Variants in NCOA1 observed in about 807,000 individuals in gnomAD.
NCOA1 encodes the protein Hin-2 protein.
NCOA1 carries 35 observed loss-of-function variants against 150.9 expected under a neutral mutation model. The ratio of observed to expected loss-of-function variants is 0.23; its 90% CI spans 0.18 to 0.31. The LOEUF (loss-of-function observed/expected upper bound fraction) is 0.31. NCOA1 is among the 10% of genes least tolerant of loss of function. The pLI is 1.00. For missense variants in NCOA1, 1,491 were observed against 1,749.3 expected (o/e 0.85, Z 2.63); for synonymous variants, 590 against 630.0 (o/e 0.94, Z 0.95).
chr2:24,652,937 T>G (rs2148480856), intron 4 of NCOA1, among the ~76,000 whole-genome samples: 1 of 152,270 alleles, frequency 6.6e-6, no homozygotes, highest in South Asian at 2.1e-4. Flanking sequence ...TCATGAGAAG[T>G]TTTACATTGC....
At chr2:24,755,138 G>A (rs900682030) in intron 20 of NCOA1, among the ~76,000 whole-genome samples, 11 of 152,196 alleles carry the variant, frequency 7.2e-5, no homozygotes, top group African/African-American at 2.2e-4. Flanking sequence ...GCCAAATAAC[G>A]AAGAGTCTAG....
rs796719918 is a variant in NCOA1, at chr2:24,668,799, A to AG, written c.256+2887dup. 7.2e-4 allele frequency among the ~76,000 whole-genome samples: 77 copies of AG among 106,752 alleles called. 1 individual carries two copies. The South Asian group carries it at 0.023, about 32-fold the overall frequency. 70.0% of individuals were successfully genotyped at this position (106,752 alleles called of 152,430 possible). A position where few individuals can be genotyped will look rare whatever the true frequency, so the allele number is the denominator to read the frequency against. On this transcript the variant is annotated intron_variant, in intron 6 of 22. Coordinates refer to ENST00000348332, the MANE Select transcript of NCOA1 (RefSeq NM_003743.5). Reference sequence around the variant, plus strand: ...AGAGGACTCTAGGGAACATTTCCATAGGGAAAAAAAAAAGGAACGCATAAG... The same window carrying AG: ...AGAGGACTCTAGGGAACATTTCCATAGGGGAAAAAAAAAAGGAACGCATAAG...
At chr2:24,509,251 TA>T (rs1223711098) in intron 1 of NCOA1, among the ~76,000 whole-genome samples, 1 of 152,218 alleles carries the variant, frequency 6.6e-6, no homozygotes, top group African/African-American at 2.4e-5. Context: ...AGTTCAGAAA[TA>T]TTAAAGTGTC....
chr2:24,667,516 A>C (rs949686784), intron 6 of NCOA1, among the ~76,000 whole-genome samples: 31 of 152,250 alleles, frequency 2.0e-4, no homozygotes, highest in Admixed American at 1.7e-3. Flanking sequence ...CAGAGGAAGC[A>C]GAAACAGTGC....
intron 4 of NCOA1, among the ~76,000 whole-genome samples, chr2:24,645,176 A>T (rs1670410842): frequency 2.0e-5 from 3 of 152,124 alleles, no homozygotes; most frequent in Admixed American, 2.0e-4. Context: ...ATCTAATCTT[A>T]CTATCTCTGC....
chr2:24,531,144 T>G (rs995189948), intron 1 of NCOA1, among the ~76,000 whole-genome samples: 2 of 152,148 alleles, frequency 1.3e-5, no homozygotes, highest in Non-Finnish European at 2.9e-5. Flanking sequence ...TTGGTAGGAA[T>G]GTAGATTAGT....
intron 3 of NCOA1, among the ~76,000 whole-genome samples, chr2:24,640,627 C>G (rs1018786639): frequency 2.0e-5 from 3 of 152,074 alleles, no homozygotes; most frequent in Non-Finnish European, 4.4e-5. Flanking sequence ...GGGCAAGACC[C>G]CATCTCTAAA....
rs184776600 is a variant in NCOA1 at position 24,760,997 on chromosome 2, G to A, written c.4066-1690G>A. Among the ~76,000 whole-genome samples the A allele has an allele frequency of 5.3e-5, 8 of 152,080 alleles. No homozygotes were observed. In the East Asian group the frequency reaches 5.8e-4, roughly 11 times the overall value. On this transcript the variant is annotated intron_variant, in intron 21 of 22. Transcript: ENST00000348332. ...TGAGTAGCTGGGAGTACAGGGGTGCGCCACCACACCCAGCTAATTTTTATG... is the reference window on the plus strand; with the variant it reads ...TGAGTAGCTGGGAGTACAGGGGTGCACCACCACACCCAGCTAATTTTTATG...
intron 10 of NCOA1, among the ~76,000 whole-genome samples, 155 bp downstream of exon 10, chr2:24,693,502 T>G (rs1406795393): frequency 6.6e-6 from 1 of 152,208 alleles, no homozygotes; most frequent in Non-Finnish European, 1.5e-5. Flanking sequence ...CTCTTGAGAT[T>G]ATACAATTTA....
In NCOA1 at chr2:24,578,958, A is replaced by C. The variant is rs528697822; in HGVS notation, c.-259-5518A>C. Reference sequence around the variant, plus strand: ...ATTACATATAAGTGTTAGCACTGTGACAACTGGGACTGTATCTTTTTTTGT... The same window carrying C: ...ATTACATATAAGTGTTAGCACTGTGCCAACTGGGACTGTATCTTTTTTTGT... On this transcript the variant is annotated intron_variant, in intron 2 of 22. Coordinates refer to ENST00000348332, the MANE Select transcript of NCOA1 (RefSeq NM_003743.5). Among the ~76,000 whole-genome samples the C allele has an allele frequency of 3.9e-4, 59 of 152,340 alleles. 1 individual carries two copies. The highest frequency in any genetic ancestry group is 1.4e-3 in the African/African-American group (58 of 41,586).
At chr2:24,532,673 C>G (rs554913883) in intron 1 of NCOA1, among the ~76,000 whole-genome samples, 8 of 152,300 alleles carry the variant, frequency 5.3e-5, no homozygotes, top group African/African-American at 1.9e-4. Flanking sequence ...CTACATATGG[C>G]TAACCAGCTT....
chr2:24,561,612 G>A (rs1666296247), intron 1 of NCOA1, among the ~76,000 whole-genome samples: 1 of 152,092 alleles, frequency 6.6e-6, no homozygotes. Flanking sequence ...GGTTTTAGAA[G>A]CAGTAGTAGT....
chr2:24,673,374 A>G lies in NCOA1; in HGVS notation c.265A>G (p.Thr89Ala), dbSNP rs1671768037. The G allele has an allele frequency of 6.4e-7, 1 of 1,564,676 alleles. No homozygotes were observed. Among genetic ancestry groups the G allele is most frequent in the Non-Finnish European group, 8.6e-7 (1 of 1,161,750 alleles). ...AAGTTTCTTTATTATAGAGAAATCAACAACTGATGACGATGTACAGAAATC... is the reference window on the plus strand; with the variant it reads ...AAGTTTCTTTATTATAGAGAAATCAGCAACTGATGACGATGTACAGAAATC... ...LMKRMEQEKS[T>A]TDDDVQKSDI... The change falls in exon 7 of 23, where the codon ACA becomes GCA. Residue 89 changes from threonine (T) to alanine (A), a missense_variant. Physicochemically the swap from Thr to Ala is moderately conservative, Grantham distance 58. This residue lies in a region of NCOA1 where 80 missense variants were observed against 163.0 expected (regional missense o/e 0.49). Transcript: ENST00000348332.
intron 2 of NCOA1, among the ~76,000 whole-genome samples, chr2:24,581,873 G>T (rs1379364138): frequency 6.6e-6 from 1 of 152,108 alleles, no homozygotes; most frequent in East Asian, 1.9e-4. Flanking sequence ...TCACCCAAAA[G>T]ATGTAGAAAA....
chr2:24,727,235 G>A (rs1034660473), intron 15 of NCOA1, among the ~76,000 whole-genome samples: 1 of 150,906 alleles, frequency 6.6e-6, no homozygotes, highest in Non-Finnish European at 1.5e-5. Flanking sequence ...GCTAGTATAC[G>A]TTGTAATCAC....
At chr2:24,598,758 CTTT>C (rs891314160) in intron 3 of NCOA1, among the ~76,000 whole-genome samples, 33 of 151,734 alleles carry the variant, frequency 2.2e-4, no homozygotes, top group African/African-American at 7.5e-4. Context: ...TTACATTTTT[CTTT>C]TTTTTAATTT....
At chr2:24,682,877 A>G (rs1672241311) in intron 7 of NCOA1, 74 bp from the exon 8 acceptor site, 2 of 1,337,642 alleles carry the variant, frequency 1.5e-6, no homozygotes, top group East Asian at 2.6e-5. Context: ...TCTCTTTTTT[A>G]ATAGAAAAAT....
intron 4 of NCOA1, among the ~76,000 whole-genome samples, chr2:24,648,133 A>T (rs1243149320): frequency 1.3e-5 from 2 of 150,346 alleles, no homozygotes; most frequent in South Asian, 2.1e-4. Context: ...AATGCTTGGG[A>T]TTTTTTTTTT....
chr2:24,762,731 G>T lies in NCOA1; in HGVS notation c.4110G>T (p.Gln1370His). 5.0e-6 allele frequency: 8 copies of T among 1,614,098 alleles called. No homozygotes were observed. Among genetic ancestry groups the T allele is most frequent in the Non-Finnish European group, 6.8e-6 (8 of 1,179,954 alleles). Residue 1370 changes from glutamine (Q) to histidine (H), a missense_variant, in exon 22 of 23, where the codon CAG (glutamine) becomes CAT (histidine). Gln to His is a conservative substitution (Grantham distance 24). This residue lies in a region of NCOA1 where 485 missense variants were observed against 522.8 expected (regional missense o/e 0.93). Coordinates refer to ENST00000348332, the MANE Select transcript of NCOA1 (RefSeq NM_003743.5). ...ALRHTGLYCN[Q>H]LSSTDLLKTE... ...GACACACAGGCCTCTACTGCAACCA[G>T]CTCTCATCCACTGACCTTCTCAAAA...
Sources: gnomAD v4.1 joint callset for allele counts (sites outside exome capture counted in the v4.1 genomes callset) on GRCh38, gnomAD v4.1.1 for gene constraint, gnomAD v4.1.1 regional missense constraint, MANE v1.5 for transcripts, NCBI Gene and HGNC (gene_info 2026-07-23, HGNC 2026-07-21) for gene names.